Variants in ENOX1 observed in about 807,000 individuals in gnomAD.
The protein encoded by ENOX1 is ecto-NOX disulfide-thiol exchanger 1, also known as candidate growth-related and time keeping constitutive hydroquinone (NADH) oxidase.
In ENOX1, 42 loss-of-function variants were observed where a neutral mutation model predicts 82.5. That is an observed-to-expected ratio of 0.51 (90% CI 0.40 to 0.66). The LOEUF (loss-of-function observed/expected upper bound fraction) is 0.66, where lower values mean the gene tolerates loss of function less well. Among genes scored for constraint, ENOX1 ranks in the 30% least tolerant of loss-of-function variants. ENOX1 has a pLI of 0.00. For missense variants in ENOX1, 608 were observed against 811.6 expected, an observed-to-expected ratio of 0.75 and a Z score of 3.05; for synonymous variants, 271 against 282.2, an observed-to-expected ratio of 0.96 and a Z score of 0.40.
chr13:43,448,197 T>C (rs74926234), intron 3 of ENOX1, among the ~76,000 whole-genome samples: 1,699 of 152,372 alleles, frequency 0.011, 21 homozygotes, highest in South Asian at 0.02. Context: ...CTCTTATTAG[T>C]TGGAACAGGC....
At chr13:43,463,186 T>TAC (rs56137984) in intron 3 of ENOX1, among the ~76,000 whole-genome samples, 72,468 of 151,472 alleles carry the variant, frequency 0.48, 17,818 homozygotes, top group African/African-American at 0.53. Flanking sequence ...CTAACCTTTA[T>TAC]ACACACACAC....
At chr13:43,348,004 C>G (rs2049503242) in intron 8 of ENOX1, among the ~76,000 whole-genome samples, 1 of 152,172 alleles carries the variant, frequency 6.6e-6, no homozygotes, top group Non-Finnish European at 1.5e-5. Flanking sequence ...ACGGGTCTTG[C>G]CTTTTTCCCT....
intron 2 of ENOX1, among the ~76,000 whole-genome samples, chr13:43,612,730 T>C (rs147060343): frequency 1.3e-4 from 20 of 152,350 alleles, no homozygotes; most frequent in Non-Finnish European, 2.6e-4. Context: ...CAGATTTTCA[T>C]GATATGGTTC....
chr13:43,464,984 T>C (rs2057655242), intron 3 of ENOX1, among the ~76,000 whole-genome samples: 1 of 152,228 alleles, frequency 6.6e-6, no homozygotes, highest in Non-Finnish European at 1.5e-5. Flanking sequence ...TTAGGGTTAT[T>C]GGGAAGAATA....
intron 1 of ENOX1, among the ~76,000 whole-genome samples, chr13:43,771,801 G>A (rs1043951489): frequency 2.6e-5 from 4 of 151,420 alleles, no homozygotes; most frequent in African/African-American, 9.7e-5. Context: ...GTCTCGCTCT[G>A]TCGCCCAGGT....
At chr13:43,486,849 G>A (rs1380042974) in intron 2 of ENOX1, among the ~76,000 whole-genome samples, 3 of 152,218 alleles carry the variant, frequency 2.0e-5, no homozygotes, top group Non-Finnish European at 2.9e-5. Context: ...TTTGTGCACT[G>A]AGTAACATAC....
chr13:43,345,362 T>C (rs1216408464), intron 8 of ENOX1, among the ~76,000 whole-genome samples: 1 of 152,194 alleles, frequency 6.6e-6, no homozygotes, highest in Non-Finnish European at 1.5e-5. Context: ...ATAGAATATT[T>C]CCTAATTTTC....
intron 11 of ENOX1, among the ~76,000 whole-genome samples, chr13:43,311,017 C>A (rs940020503): frequency 1.3e-5 from 2 of 152,012 alleles, no homozygotes; most frequent in African/African-American, 2.4e-5. Flanking sequence ...TACAGAGTGT[C>A]TGATATATAA....
chr13:43,540,343 G>A (rs866305020), intron 2 of ENOX1, among the ~76,000 whole-genome samples: 4 of 152,208 alleles, frequency 2.6e-5, no homozygotes, highest in Middle Eastern at 6.8e-3. Flanking sequence ...AAATCACAAT[G>A]TCCTAAAGCC....
At chr13:43,366,951 A>G (rs1298217509) in intron 5 of ENOX1, among the ~76,000 whole-genome samples, 2 of 152,218 alleles carry the variant, frequency 1.3e-5, no homozygotes, top group Non-Finnish European at 2.9e-5. Flanking sequence ...CATTAATATT[A>G]TATAGAATAT....
intron 2 of ENOX1, among the ~76,000 whole-genome samples, chr13:43,495,544 TATAATATTAC>T (rs2076764649): frequency 6.6e-6 from 1 of 152,014 alleles, no homozygotes; most frequent in Admixed American, 6.6e-5. Flanking sequence ...ACCTACTACA[TATAATATTAC>T]ATTATATGAA....
chr13:43,740,735 T>C (rs2089866663), intron 1 of ENOX1, among the ~76,000 whole-genome samples: 1 of 152,136 alleles, frequency 6.6e-6, no homozygotes, highest in Admixed American at 6.5e-5. Flanking sequence ...ATAAATGGAG[T>C]CATACAATAT....
At chr13:43,777,298 T>A (rs73189996) in intron 1 of ENOX1, among the ~76,000 whole-genome samples, 1 of 152,038 alleles carries the variant, frequency 6.6e-6, no homozygotes, top group Non-Finnish European at 1.5e-5. Context: ...GTGAAAAAAA[T>A]TCTTAAGAAA....
At chr13:43,303,391 C>T (rs987853794) in intron 11 of ENOX1, among the ~76,000 whole-genome samples, 15 of 152,326 alleles carry the variant, frequency 9.8e-5, no homozygotes, top group African/African-American at 3.1e-4. Flanking sequence ...TGCCTTGAGG[C>T]CTTTAGAAGC....
chr13:43,567,318 TGTCA>T (rs898719497), intron 2 of ENOX1, among the ~76,000 whole-genome samples: 45 of 152,150 alleles, frequency 3.0e-4, no homozygotes, highest in African/African-American at 9.9e-4. Flanking sequence ...GCTTTTTCCC[TGTCA>T]GTATTTGTTT....
intron 1 of ENOX1, among the ~76,000 whole-genome samples, chr13:43,749,545 C>T (rs1329348006): frequency 6.6e-6 from 1 of 152,224 alleles, no homozygotes; most frequent in Non-Finnish European, 1.5e-5. Context: ...AGGACAACAT[C>T]AGCATCAAGT....
intron 1 of ENOX1, among the ~76,000 whole-genome samples, chr13:43,779,314 A>G (rs1268036302): frequency 3.9e-5 from 6 of 152,084 alleles, no homozygotes; most frequent in Non-Finnish European, 7.4e-5. Flanking sequence ...AGGAATGGAG[A>G]AGGGAGACAG....
At position 43,359,945 on chromosome 13, in the gene ENOX1, G is replaced by T. The variant is rs781034473; in HGVS notation, c.495C>A (p.Cys165Ter). 6 of 1,613,990 alleles carry T rather than the reference G, an allele frequency of 3.7e-6. No individual in the cohort carries two copies. Among genetic ancestry groups the T allele is most frequent in the Non-Finnish European group, 8.5e-7 (1 of 1,179,978 alleles). ...EEIIQEVFEQ[C>*]GDITAIRKSK... Reference sequence around the variant, plus strand: ...TTTTCCGAATTGCTGTAATATCACCGCACTGTTCAAAGACTTCTTGAATAA... The same window carrying T: ...TTTTCCGAATTGCTGTAATATCACCTCACTGTTCAAAGACTTCTTGAATAA... Residue 165 changes from cysteine to a stop codon, truncating the protein, a stop_gained, in exon 7 of 17, where the codon TGC (cysteine) becomes TGA (stop). Transcript: ENST00000690772. LOFTEE classifies it high-confidence loss of function.
Position 43,786,759 on chromosome 13 carries a change from C to T in ENOX1, c.-392G>A, listed in dbSNP as rs1158636363. On this transcript the variant is annotated 5_prime_UTR_variant, in exon 1 of 17. Coordinates refer to ENST00000690772, the MANE Select transcript of ENOX1 (RefSeq NM_001347969.2). This position sits in a 1 kb window ranked among gnomAD's most constrained non-coding sequence, Gnocchi z 6.0. Reference sequence around the variant, plus strand: ...CGTCCTCCTCCTCCTTTGCTTCTCCCGGACTCTGTCCCGGGCACGGAGCTG... The same window carrying T: ...CGTCCTCCTCCTCCTTTGCTTCTCCTGGACTCTGTCCCGGGCACGGAGCTG... 1 of 152,258 alleles carries T rather than the reference C, an allele frequency of 6.6e-6. No individual in the cohort carries two copies. Among genetic ancestry groups the T allele is most frequent in the African/African-American group, 2.4e-5 (1 of 41,408 alleles). 9.4% of individuals were successfully genotyped at this position (152,258 alleles called of 1,614,324 possible). A position where few individuals can be genotyped will look rare whatever the true frequency, so the allele number is the denominator to read the frequency against.
Sources: allele counts gnomAD v4.1 joint callset (sites outside exome capture counted in the v4.1 genomes callset), GRCh38; gene constraint gnomAD v4.1.1; non-coding constraint Gnocchi (gnomAD v3.1); transcripts MANE v1.5; gene names NCBI Gene and HGNC (gene_info 2026-07-23, HGNC 2026-07-21).